The following B3GALT1 variants were observed in gnomAD, a reference collection of about 807,000 sequenced individuals.
B3GALT1 encodes the protein beta-1,3-galactosyltransferase 1, also known as UDP-Gal:betaGlcNAc beta 1,3-galactosyltransferase, polypeptide 1.
Under a neutral mutation model 23.2 loss-of-function variants are expected in B3GALT1, and 10 were observed. The ratio of observed to expected loss-of-function variants is 0.43; its 90% CI spans 0.27 to 0.73. The LOEUF is 0.73. B3GALT1 is among the 30% of genes least tolerant of loss of function. The probability of loss-of-function intolerance (pLI) is 0.21; values close to 1 mark genes in which losing one functional copy is unlikely to be tolerated. For synonymous variants in B3GALT1, 156 were observed against 141.5 expected, an observed-to-expected ratio of 1.10 and a Z score of -0.73; for missense variants, 299 against 405.4, an observed-to-expected ratio of 0.74 and a Z score of 2.25.
chr2:167,383,819 T>C (rs925075766), intron 1 of B3GALT1, among the ~76,000 whole-genome samples: 6 of 152,226 alleles, frequency 3.9e-5, no homozygotes, highest in African/African-American at 7.2e-5. Flanking sequence ...CTTTCAGTTA[T>C]TGACATTGTC....
At chr2:167,527,588 C>CTAATA (rs1683243620) in intron 2 of B3GALT1, among the ~76,000 whole-genome samples, 1 of 152,050 alleles carries the variant, frequency 6.6e-6, no homozygotes, top group Non-Finnish European at 1.5e-5. Context: ...TTCACAAAAC[C>CTAATA]ATAAATAATA....
At chr2:167,419,355 G>T (rs529910395) in intron 1 of B3GALT1, among the ~76,000 whole-genome samples, 1 of 152,118 alleles carries the variant, frequency 6.6e-6, no homozygotes. Context: ...TTTAATTTGT[G>T]TTTTTTCCTT....
chr2:167,810,635 C>T lies in B3GALT1; in HGVS notation c.-351-8037C>T, dbSNP rs551244121. 1.1e-4 allele frequency among the ~76,000 whole-genome samples: 17 copies of T among 150,978 alleles called. 3 individuals carry two copies. Among genetic ancestry groups the T allele is most frequent in the African/African-American group, 2.7e-4 (11 of 40,334 alleles). ...CCAGCCATCTGTGTATTACAAAGTA[C>T]GTCATTGTTTACTACCTAAGTTTAA... is the stretch of plus-strand genomic sequence containing the variant. On this transcript the variant is annotated intron_variant, in intron 3 of 4. Coordinates refer to ENST00000392690, the MANE Select transcript of B3GALT1 (RefSeq NM_020981.4).
At chr2:167,542,135 AT>A (rs74750375) in intron 2 of B3GALT1, among the ~76,000 whole-genome samples, 12,827 of 151,946 alleles carry the variant, frequency 0.084, 705 homozygotes, top group African/African-American at 0.15. Context: ...TATTTTATAT[AT>A]TTTTTTAAAT....
At chr2:167,677,775 G>A (rs1274090706) in intron 3 of B3GALT1, among the ~76,000 whole-genome samples, 1 of 152,156 alleles carries the variant, frequency 6.6e-6, no homozygotes, top group East Asian at 1.9e-4. Context: ...AAGGAAAGAG[G>A]TTTAATTGAT....
intron 1 of B3GALT1, among the ~76,000 whole-genome samples, chr2:167,319,680 T>A (rs1456596594): frequency 6.6e-6 from 1 of 152,108 alleles, no homozygotes; most frequent in Non-Finnish European, 1.5e-5. Context: ...CATTTTATTA[T>A]TTAAAAGAGG....
intron 3 of B3GALT1, among the ~76,000 whole-genome samples, chr2:167,774,408 A>G (rs963091816): frequency 2.0e-5 from 3 of 148,236 alleles, no homozygotes; most frequent in African/African-American, 4.9e-5. Flanking sequence ...TTTTCTCTCT[A>G]TGTGAACCTG....
intron 3 of B3GALT1, among the ~76,000 whole-genome samples, chr2:167,817,310 G>C (rs1329899499): frequency 2.0e-5 from 3 of 152,190 alleles, no homozygotes; most frequent in Non-Finnish European, 4.4e-5. Context: ...AAGTAACTTG[G>C]TGTAGGCATT....
At chr2:167,406,325 C>T (rs1042884917) in intron 1 of B3GALT1, among the ~76,000 whole-genome samples, 3 of 152,020 alleles carry the variant, frequency 2.0e-5, no homozygotes, top group Non-Finnish European at 4.4e-5. Flanking sequence ...TCATTCACTC[C>T]CCACCACAGA....
chr2:167,500,278 G>A (rs1276625256), intron 2 of B3GALT1, among the ~76,000 whole-genome samples: 1 of 152,010 alleles, frequency 6.6e-6, no homozygotes, highest in South Asian at 2.1e-4. Context: ...GTCCCAAAAG[G>A]CAAGAAAATT....
rs187294327 is a variant in B3GALT1, at chr2:167,715,451, G to T, written c.-352+68485G>T. On this transcript the variant is annotated intron_variant, in intron 3 of 4. Coordinates refer to ENST00000392690, the MANE Select transcript of B3GALT1 (RefSeq NM_020981.4). The stretch of plus-strand genomic sequence containing the variant: ...ACTCAAAGCATCTTTTATTGCTATC[G>T]CCCGTCGTTCTTCAGTCATTGGAAG... 1.1e-5 allele frequency: 18 copies of T among 1,606,072 alleles called. No homozygotes were observed. In the African/African-American group the frequency reaches 1.7e-4, roughly 15 times the overall value.
chr2:167,578,433 A>G (rs1558913125), intron 2 of B3GALT1, among the ~76,000 whole-genome samples: 1 of 151,734 alleles, frequency 6.6e-6, no homozygotes, highest in Non-Finnish European at 1.5e-5. Flanking sequence ...CTGCACTTCA[A>G]ACTGCTGCTA....
At chr2:167,598,938 T>C (rs888193646) in intron 2 of B3GALT1, among the ~76,000 whole-genome samples, 1 of 152,206 alleles carries the variant, frequency 6.6e-6, no homozygotes, top group African/African-American at 2.4e-5. Context: ...ATTCTCTTTC[T>C]TTATCTTTTA....
chr2:167,400,168 G>GTGTGTGTGTGTT (rs1698164506), intron 1 of B3GALT1, among the ~76,000 whole-genome samples: 2 of 150,080 alleles, frequency 1.3e-5, no homozygotes, highest in Non-Finnish European at 3.0e-5. Flanking sequence ...ATCTATGTCT[G>GTGTGTGTGTGTT]TGTGTGTGTG....
At chr2:167,551,822 G>A (rs1289890883) in intron 2 of B3GALT1, among the ~76,000 whole-genome samples, 1 of 152,174 alleles carries the variant, frequency 6.6e-6, no homozygotes, top group African/African-American at 2.4e-5. Flanking sequence ...AAGTAGATAT[G>A]TGAGAAGTGG....
chr2:167,420,367 A>G (rs190650621), intron 1 of B3GALT1, among the ~76,000 whole-genome samples: 2 of 152,238 alleles, frequency 1.3e-5, no homozygotes, highest in Admixed American at 1.3e-4. Context: ...TAACTACAAG[A>G]AAAGAAGAAC....
chr2:167,478,943 A>G (rs1699525816), intron 1 of B3GALT1, among the ~76,000 whole-genome samples: 1 of 152,134 alleles, frequency 6.6e-6, no homozygotes, highest in Non-Finnish European at 1.5e-5. Flanking sequence ...AATATTTTGG[A>G]TTGTATGCTA....
chr2:167,620,571 A>G (rs1265666465), intron 2 of B3GALT1, among the ~76,000 whole-genome samples: 3 of 152,124 alleles, frequency 2.0e-5, no homozygotes, highest in Non-Finnish European at 4.4e-5. Flanking sequence ...CCTACTTACT[A>G]AGATTTATTT....
chr2:167,709,022 T>C (rs1321310340), intron 3 of B3GALT1, among the ~76,000 whole-genome samples: 2 of 152,252 alleles, frequency 1.3e-5, no homozygotes, highest in Non-Finnish European at 2.9e-5. Flanking sequence ...TTCAGGAGTC[T>C]GGAGACCTTA....
Sources: gnomAD v4.1 joint callset for allele counts (sites outside exome capture counted in the v4.1 genomes callset) on GRCh38, gnomAD v4.1.1 for gene constraint, MANE v1.5 for transcripts, NCBI Gene and HGNC (gene_info 2026-07-23, HGNC 2026-07-21) for gene names.